The following NFKB1 variants were observed in gnomAD, a reference collection of about 807,000 sequenced individuals.
The protein encoded by NFKB1 is nuclear factor kappa B subunit 1, also known as nuclear factor NF-kappa-B p105 subunit.
NFKB1 carries 9 observed loss-of-function variants against 105.1 expected under a neutral mutation model. The observed-to-expected ratio is 0.09, with a 90% confidence interval of 0.05 to 0.15. NFKB1 has a LOEUF of 0.15. Among genes scored for constraint, NFKB1 ranks in the 10% least tolerant of loss-of-function variants. The probability of loss-of-function intolerance (pLI) is 1.00; values close to 1 mark genes in which losing one functional copy is unlikely to be tolerated. For missense variants in NFKB1, 830 were observed against 1,203.7 expected, an observed-to-expected ratio of 0.69 and a Z score of 4.59; for synonymous variants, 440 against 442.2, an observed-to-expected ratio of 1.00 and a Z score of 0.06.
At chr4:102,592,349 T>C (rs1349523444) in intron 11 of NFKB1, among the ~76,000 whole-genome samples, 1 of 152,198 alleles carries the variant, frequency 6.6e-6, no homozygotes, top group Non-Finnish European at 1.5e-5. Context: ...TATAGAGAAA[T>C]CTTTTGTGAA....
At chr4:102,515,659 C>T (rs932205787) in intron 1 of NFKB1, among the ~76,000 whole-genome samples, 1 of 152,054 alleles carries the variant, frequency 6.6e-6, no homozygotes, top group Non-Finnish European at 1.5e-5. Flanking sequence ...AATGTGAGAA[C>T]TTGACAATGT....
intron 1 of NFKB1, among the ~76,000 whole-genome samples, chr4:102,504,861 T>C (rs532660227): frequency 5.3e-5 from 8 of 152,316 alleles, no homozygotes; most frequent in Non-Finnish European, 1.0e-4. Context: ...GCAAGTCAGT[T>C]TGGCTCCTTG....
chr4:102,549,760 T>C (rs1722432048), intron 5 of NFKB1, among the ~76,000 whole-genome samples: 1 of 152,242 alleles, frequency 6.6e-6, no homozygotes, highest in South Asian at 2.1e-4. Context: ...ATCCTTCCAG[T>C]TGTACAGGCC....
chr4:102,601,642 A>G lies in NFKB1; in HGVS notation c.1752+633A>G, dbSNP rs181642940. On this transcript the variant is annotated intron_variant, in intron 16 of 23. Transcript: ENST00000226574. ...AGAGGTCTTCCAACACTGCAAAGGG[A>G]GAGTTAGCTGGAGACACAGCGAGGC... Among the ~76,000 whole-genome samples the G allele has an allele frequency of 2.0e-4, 30 of 152,332 alleles. No homozygotes were observed. In the East Asian group the frequency reaches 2.1e-3, roughly 11 times the overall value.
chr4:102,513,979 C>T (rs1739951200), intron 1 of NFKB1, among the ~76,000 whole-genome samples: 1 of 151,948 alleles, frequency 6.6e-6, no homozygotes, highest in African/African-American at 2.4e-5. Flanking sequence ...CGAGACCATC[C>T]TGGCTCACAC....
intron 8 of NFKB1, among the ~76,000 whole-genome samples, chr4:102,579,533 G>T (rs561372858): frequency 6.6e-6 from 1 of 151,694 alleles, no homozygotes; most frequent in South Asian, 2.1e-4. Flanking sequence ...CCTATTTCAA[G>T]CCGGGTTTGG....
At chr4:102,535,168 T>G (rs771937703) in intron 4 of NFKB1, among the ~76,000 whole-genome samples, 1 of 152,144 alleles carries the variant, frequency 6.6e-6, no homozygotes, top group Non-Finnish European at 1.5e-5. Context: ...ATTTTATCCC[T>G]TAAAGTTCTG....
At chr4:102,615,420 A>G (rs533410363) in intron 23 of NFKB1, among the ~76,000 whole-genome samples, 2 of 151,988 alleles carry the variant, frequency 1.3e-5, no homozygotes, top group Non-Finnish European at 2.9e-5. Context: ...CTTTCTTGCC[A>G]CTCAGTTTCA....
At chr4:102,529,612 C>G (rs767449042) in intron 2 of NFKB1, among the ~76,000 whole-genome samples, 5 of 152,156 alleles carry the variant, frequency 3.3e-5, no homozygotes, top group South Asian at 2.1e-4. Flanking sequence ...TCTCAAATCC[C>G]TTTGTTACGT....
Position 102,537,812 on chromosome 4 carries a change from A to C in NFKB1, c.160-46A>C, listed in dbSNP as rs201352527. 37 of 1,173,188 alleles carry C rather than the reference A, an allele frequency of 3.2e-5. No homozygotes were observed. In the East Asian group the frequency reaches 8.8e-4, roughly 28 times the overall value. 72.7% of individuals were successfully genotyped at this position (1,173,188 alleles called of 1,614,324 possible). A position where few individuals can be genotyped will look rare whatever the true frequency, so the allele number is the denominator to read the frequency against. ...ATGTACCTTTGTTGCCGTAATTTTT[A>C]ATAAGTATTTCTCAAACTTAATTGG... On this transcript the variant is annotated intron_variant, in intron 4 of 23. Coordinates refer to ENST00000226574, the MANE Select transcript of NFKB1 (RefSeq NM_003998.4).
chr4:102,512,157 AT>A (rs1382279676), intron 1 of NFKB1, among the ~76,000 whole-genome samples: 1 of 152,200 alleles, frequency 6.6e-6, no homozygotes. Context: ...TTACATTCTC[AT>A]TTACTTATTA....
intron 5 of NFKB1, among the ~76,000 whole-genome samples, chr4:102,551,348 G>T (rs1379753585): frequency 7.8e-6 from 1 of 127,458 alleles, no homozygotes; most frequent in Admixed American, 7.2e-5. Context: ...TTCTAAATTG[G>T]TGTGTGTGTG....
chr4:102,611,928 A>G, intron 20 of NFKB1, 116 bp from the exon 21 acceptor site: 1 of 742,202 alleles, frequency 1.3e-6, no homozygotes, highest in Non-Finnish European at 2.3e-6. Context: ...TTCCTCCATC[A>G]TTAGGGTACC....
intron 1 of NFKB1, among the ~76,000 whole-genome samples, chr4:102,514,731 C>G (rs1252784629): frequency 1.3e-5 from 2 of 152,056 alleles, no homozygotes; most frequent in South Asian, 4.2e-4. Context: ...TCCATTAGTT[C>G]TGCCACGTTT....
rs770559726 is a variant in NFKB1 at position 102,597,579 on chromosome 4, G to A, written c.1555G>A (p.Asp519Asn). 3.8e-5 allele frequency: 62 copies of A among 1,613,746 alleles called. No homozygotes were observed. Among genetic ancestry groups the A allele is most frequent in the East Asian group, 1.6e-4 (7 of 44,896 alleles). Residue 519 changes from aspartate to asparagine, a missense_variant, in exon 15 of 24, where the codon GAC becomes AAC. Physicochemically the swap from Asp to Asn is conservative, Grantham distance 23. Coordinates refer to ENST00000226574, the MANE Select transcript of NFKB1 (RefSeq NM_003998.4). ...AAAGAGGCATGCCAATGCCCTTTTC[G>A]ACTACGCGGTGACAGGAGACGTGAA... ...LAKRHANALF[D>N]YAVTGDVKML...
rs1347167148 is a variant in NFKB1 at position 102,529,863 on chromosome 4, C to G, written c.67C>G (p.His23Asp). 6 of 1,608,602 alleles carry G rather than the reference C, an allele frequency of 3.7e-6. No homozygotes were observed. In the African/African-American group the frequency reaches 6.7e-5, roughly 18 times the overall value. ...QMFHLDPSLT[H>D]TIFNPEVFQP... The stretch of plus-strand genomic sequence containing the variant: ...GTTTCATTTGGATCCTTCTTTGACT[C>G]ATACAATATTTAATCCAGAAGTATT... The change falls in exon 3 of 24, where the codon CAT becomes GAT. Residue 23 changes from histidine (H) to aspartate (D), a missense_variant. His to Asp is a moderately conservative substitution (Grantham distance 81). This residue lies in a region of NFKB1 where 46 missense variants were observed against 48.3 expected (regional missense o/e 0.95). Transcript: ENST00000226574.
intron 11 of NFKB1, among the ~76,000 whole-genome samples, chr4:102,586,928 A>C (rs943467560): frequency 6.6e-6 from 1 of 152,356 alleles, no homozygotes; most frequent in South Asian, 2.1e-4. Context: ...TCGTGCTGCC[A>C]CAGGAGTGTT....
In NFKB1 at chr4:102,563,355, A is replaced by G. The variant is rs552935627; in HGVS notation, c.259-3632A>G. On this transcript the variant is annotated intron_variant, in intron 5 of 23. Transcript: ENST00000226574. ...TACTGGAAAATTAGCAAAGCCCAATAAAATATGGCATGCAAAAAAATATTT... is the reference window on the plus strand; with the variant it reads ...TACTGGAAAATTAGCAAAGCCCAATGAAATATGGCATGCAAAAAAATATTT... Among the ~76,000 whole-genome samples, 8 of 152,270 alleles carry G rather than the reference A, an allele frequency of 5.3e-5. No homozygotes were observed. In the South Asian group the frequency reaches 1.2e-3, roughly 24 times the overall value.
At chr4:102,580,010 A>C (rs1725198499) in intron 8 of NFKB1, among the ~76,000 whole-genome samples, 1 of 152,142 alleles carries the variant, frequency 6.6e-6, no homozygotes, top group African/African-American at 2.4e-5. Flanking sequence ...TACCACAAGA[A>C]AGTTTTGCCT....
Sources: allele counts gnomAD v4.1 joint callset (sites outside exome capture counted in the v4.1 genomes callset), GRCh38; gene constraint gnomAD v4.1.1; regional missense constraint gnomAD v4.1.1; transcripts MANE v1.5; gene names NCBI Gene and HGNC (gene_info 2026-07-23, HGNC 2026-07-21).